Variants in BACH2 observed in about 807,000 individuals in gnomAD.
BACH2 encodes the protein BACH transcriptional regulator 2, also known as transcription regulator protein BACH2.
BACH2 carries 5 observed loss-of-function variants against 61.8 expected under a neutral mutation model. The ratio of observed to expected loss-of-function variants is 0.08; its 90% CI spans 0.04 to 0.17. BACH2 has a LOEUF of 0.17. Ranked by LOEUF, BACH2 falls within the 10% of genes least tolerant of loss-of-function variation. The pLI is 1.00. For missense variants in BACH2, 824 were observed against 1,091.1 expected (o/e 0.76, Z 3.45); for synonymous variants, 446 against 440.1 (o/e 1.01, Z -0.17).
intron 6 of BACH2, among the ~76,000 whole-genome samples, chr6:89,990,294 G>A (rs920947834): frequency 6.6e-6 from 1 of 152,156 alleles, no homozygotes; most frequent in Non-Finnish European, 1.5e-5. Flanking sequence ...ATTTGTAAAT[G>A]AAAAAATTCT....
chr6:90,141,639 T>A (rs930242786), intron 4 of BACH2, among the ~76,000 whole-genome samples: 1 of 152,184 alleles, frequency 6.6e-6, no homozygotes, highest in African/African-American at 2.4e-5. Context: ...CTTTGCTAAC[T>A]TGAGTATATA....
At chr6:89,938,429 C>T in intron 7 of BACH2, 79 bp from the exon 8 acceptor site, 2 of 1,252,088 alleles carry the variant, frequency 1.6e-6, no homozygotes, top group South Asian at 1.4e-5. Context: ...AATGATAAAA[C>T]CTCCTTTTTA....
chr6:89,942,296 T>A (rs968281631), intron 7 of BACH2, among the ~76,000 whole-genome samples: 1 of 152,144 alleles, frequency 6.6e-6, no homozygotes, highest in Non-Finnish European at 1.5e-5. Context: ...CCACTGACTG[T>A]TTGGTCCCGT....
In BACH2 at chr6:89,956,598, CTGGGGAGCTCAGTGTTT is replaced by C. The variant is rs578200438; in HGVS notation, c.244-4753_244-4737del. On this transcript the variant is annotated intron_variant, in intron 6 of 8. Transcript: ENST00000257749. ...GAAAGTTTGGGCACTGTTTGCAAAG[CTGGGGAGCTCAGTGTTT>C]TGGGGAGCTCAGTGTTTTGGGGAGC... Among the ~76,000 whole-genome samples the C allele has an allele frequency of 1.0e-3, 159 of 152,180 alleles. 1 individual carries two copies. Among genetic ancestry groups the C allele is most frequent in the South Asian group, 2.9e-3 (14 of 4,824 alleles).
chr6:90,063,553 G>A (rs978351101), intron 5 of BACH2, among the ~76,000 whole-genome samples: 1 of 152,184 alleles, frequency 6.6e-6, no homozygotes, highest in African/African-American at 2.4e-5. Context: ...GTGACTTACA[G>A]GTTTTGATAC....
At position 90,055,900 on chromosome 6, in the gene BACH2, A is replaced by C. The variant is rs1353644277; in HGVS notation, c.-13+33061T>G. ...TTCATAAGTGAAGGAGAAATAAAAT[A>C]CTTTACAGACAAGCAAATGCTGAGA... is the stretch of plus-strand genomic sequence containing the variant. On this transcript the variant is annotated intron_variant, in intron 5 of 8. Coordinates refer to ENST00000257749, the MANE Select transcript of BACH2 (RefSeq NM_021813.4). Among the ~76,000 whole-genome samples, 3 of 152,136 alleles carry C rather than the reference A, an allele frequency of 2.0e-5. No individual in the cohort carries two copies. The East Asian group carries it at 5.8e-4, about 29-fold the overall frequency.
intron 2 of BACH2, among the ~76,000 whole-genome samples, chr6:90,262,490 G>T (rs1413160208): frequency 1.3e-5 from 2 of 152,112 alleles, no homozygotes; most frequent in African/African-American, 4.8e-5. Flanking sequence ...CAGCAATCCT[G>T]CCCTGTTCCT....
At chr6:90,080,690 T>C (rs1196992263) in intron 5 of BACH2, 1 of 917,290 alleles carries the variant, frequency 1.1e-6, no homozygotes, top group African/African-American at 1.8e-5. Context: ...TTTAAAAGTC[T>C]AGTTCAACAA....
intron 4 of BACH2, among the ~76,000 whole-genome samples, chr6:90,141,613 TAACA>T: frequency 2.0e-5 from 3 of 150,442 alleles, no homozygotes; most frequent in Admixed American, 2.0e-4. Context: ...AAAACAACAA[TAACA>T]AAGACAAACA....
intron 4 of BACH2, among the ~76,000 whole-genome samples, chr6:90,189,976 C>T (rs1184373470): frequency 6.6e-6 from 1 of 151,980 alleles, no homozygotes; most frequent in Non-Finnish European, 1.5e-5. Context: ...TGGAGTCTTG[C>T]ACTGTCACCT....
intron 5 of BACH2, among the ~76,000 whole-genome samples, chr6:90,064,840 C>T (rs1019270286): frequency 6.6e-6 from 1 of 152,172 alleles, no homozygotes; most frequent in East Asian, 1.9e-4. Flanking sequence ...TATCCCAGCA[C>T]CTGGTACATG....
intron 5 of BACH2, among the ~76,000 whole-genome samples, chr6:90,033,171 C>T (rs1266287276): frequency 6.6e-6 from 1 of 150,990 alleles, no homozygotes; most frequent in Non-Finnish European, 1.5e-5. Context: ...AACATATGGA[C>T]ACAGGAAGGG....
intron 5 of BACH2, among the ~76,000 whole-genome samples, chr6:90,010,122 G>T (rs1344460051): frequency 6.6e-6 from 1 of 152,114 alleles, no homozygotes; most frequent in African/African-American, 2.4e-5. Flanking sequence ...ACAATAAACT[G>T]TACATATTTA....
At position 89,930,168 on chromosome 6, in the gene BACH2, C is replaced by G. The variant is rs1431023074; in HGVS notation, c.*2240G>C. The G allele has an allele frequency of 3.6e-5, 4 of 111,014 alleles. No individual in the cohort carries two copies. The highest frequency in any genetic ancestry group is 7.5e-5 in the Non-Finnish European group (4 of 53,154). 6.9% of individuals were successfully genotyped at this position (111,014 alleles called of 1,614,324 possible). On this transcript the variant is annotated 3_prime_UTR_variant, in exon 9 of 9. Transcript: ENST00000257749. The stretch of plus-strand genomic sequence containing the variant: ...ACACACACACACACACACACACAAA[C>G]AAGAAAAAACAAAAACCCAGAGGCA...
intron 4 of BACH2, among the ~76,000 whole-genome samples, chr6:90,125,834 C>G (rs1448694137): frequency 6.6e-6 from 1 of 152,250 alleles, no homozygotes; most frequent in Non-Finnish European, 1.5e-5. Flanking sequence ...CCCTGGAACT[C>G]TTTCAACCCA....
intron 3 of BACH2, among the ~76,000 whole-genome samples, chr6:90,216,461 C>T (rs1229405825): frequency 2.0e-5 from 3 of 152,134 alleles, no homozygotes; most frequent in African/African-American, 7.2e-5. Context: ...CTTCCCTCGG[C>T]TCAGACGGTG....
chr6:90,228,354 A>G (rs1388889207), intron 3 of BACH2, among the ~76,000 whole-genome samples: 1 of 152,262 alleles, frequency 6.6e-6, no homozygotes, highest in East Asian at 1.9e-4. Flanking sequence ...TTTTGGGAAA[A>G]GAACCATAGG....
intron 4 of BACH2, among the ~76,000 whole-genome samples, chr6:90,115,986 G>C (rs1289942854): frequency 2.0e-5 from 3 of 152,128 alleles, no homozygotes; most frequent in Admixed American, 2.0e-4. Context: ...CAGTCAGAAT[G>C]GTTGTTATTA....
intron 6 of BACH2, among the ~76,000 whole-genome samples, chr6:89,972,283 C>T (rs984907788): frequency 7.9e-5 from 12 of 152,158 alleles, no homozygotes; most frequent in African/African-American, 2.6e-4. Context: ...GCCAGACGGG[C>T]GGCAAGCCAG....
Sources: allele counts gnomAD v4.1 joint callset (sites outside exome capture counted in the v4.1 genomes callset), GRCh38; gene constraint gnomAD v4.1.1; transcripts MANE v1.5; gene names NCBI Gene and HGNC (gene_info 2026-07-23, HGNC 2026-07-21).